TASOR2: variants seen among roughly 807,000 people sequenced by gnomAD.
TASOR2 encodes the protein transcription activation suppressor family member 2.
Under a neutral mutation model 199.5 loss-of-function variants are expected in TASOR2, and 84 were observed. That is an observed-to-expected ratio of 0.42 (90% CI 0.35 to 0.50). The LOEUF is 0.50. TASOR2 is among the 20% of genes least tolerant of loss of function. The pLI, the probability that TASOR2 is intolerant of heterozygous loss-of-function variation, is 0.02. For missense variants in TASOR2, 2,796 were observed against 2,835.9 expected, an observed-to-expected ratio of 0.99 and a Z score of 0.32; for synonymous variants, 1,103 against 1,046.6, an observed-to-expected ratio of 1.05 and a Z score of -1.04.
Position 5,748,960 on chromosome 10 carries a change from G to C in TASOR2, c.5539G>C (p.Asp1847His). The C allele has an allele frequency of 6.2e-7, 1 of 1,614,084 alleles. No individual in the cohort carries two copies. Among genetic ancestry groups the C allele is most frequent in the Non-Finnish European group, 8.5e-7 (1 of 1,180,022 alleles). ...TAGAAATCCCAGACTGGATTTGGAGGATTCTTATACTTTAAGAGGTAGTTA... is the reference window on the plus strand; with the variant it reads ...TAGAAATCCCAGACTGGATTTGGAGCATTCTTATACTTTAAGAGGTAGTTA... The change falls in exon 15 of 21, where the codon GAT (aspartate) becomes CAT (histidine). Residue 1847 changes from aspartate to histidine, a missense_variant. This residue lies in a region of TASOR2 where 1,941 missense variants were observed against 1,924.9 expected (regional missense o/e 1.01). Coordinates refer to ENST00000328090, the Ensembl canonical transcript of TASOR2. This position sits in a 1 kb window ranked among gnomAD's most constrained non-coding sequence, Gnocchi z 5.1.
chr10:5,727,999 A>G (rs1270112576), intron 10 of TASOR2, among the ~76,000 whole-genome samples: 1 of 152,034 alleles, frequency 6.6e-6, no homozygotes, highest in Non-Finnish European at 1.5e-5. Context: ...AGGCAGGTAG[A>G]TTTCTTGAGT....
intron 2 of TASOR2, among the ~76,000 whole-genome samples, chr10:5,715,729 G>A (rs369987485): frequency 1.5e-4 from 23 of 152,012 alleles, no homozygotes; most frequent in African/African-American, 5.1e-4. Context: ...TGCAACCTTC[G>A]ACTCCTTGGT....
chr10:5,725,592 T>C (rs1187726052), intron 8 of TASOR2, among the ~76,000 whole-genome samples: 5 of 144,064 alleles, frequency 3.5e-5, no homozygotes, highest in Admixed American at 2.1e-4. Context: ...CATAGCAAGA[T>C]CTTATCTCTA....
chr10:5,695,527 T>G lies in TASOR2; in HGVS notation c.-288+10352T>G, dbSNP rs564382575. The stretch of plus-strand genomic sequence containing the variant: ...CATAATTACACAAAATATAAAATAA[T>G]GGCAATAGTAGCTACCATTGTAGGA... On this transcript the variant is annotated intron_variant, in intron 1 of 20. Coordinates refer to ENST00000328090, the Ensembl canonical transcript of TASOR2. Among the ~76,000 whole-genome samples, 307 of 152,304 alleles carry G rather than the reference T, an allele frequency of 2.0e-3. 1 individual carries two copies. The highest frequency in any genetic ancestry group is 6.4e-3 in the African/African-American group (267 of 41,578).
Position 5,748,581 on chromosome 10 carries a change from A to T in TASOR2, c.5160A>T (p.Thr1720=). The change falls in exon 15 of 21, where the codon ACA becomes ACT. Residue 1720 remains threonine (T), a synonymous_variant. Coordinates refer to ENST00000328090, the Ensembl canonical transcript of TASOR2. This position sits in a 1 kb window ranked among gnomAD's most constrained non-coding sequence, Gnocchi z 5.1. ...CTGCTGGCCCTCAGTCCAACACCAC[A>T]TCTTCTCTAAAAGGTGAACGCAAAG... 6.2e-7 allele frequency: 1 copy of T among 1,613,702 alleles called. No homozygotes were observed. Among genetic ancestry groups the T allele is most frequent in the Non-Finnish European group, 8.5e-7 (1 of 1,180,024 alleles).
intron 17 of TASOR2, 28 bp from the exon 19 acceptor site, chr10:5,758,859 T>A (rs377018593): frequency 2.3e-5 from 35 of 1,541,944 alleles, no homozygotes; most frequent in East Asian, 1.6e-4. Flanking sequence ...ACTTGTCATC[T>A]TCTTTTGCTA....
At chr10:5,700,807 T>G (rs1040628424) in intron 1 of TASOR2, among the ~76,000 whole-genome samples, 87 of 151,944 alleles carry the variant, frequency 5.7e-4, no homozygotes, top group African/African-American at 2.1e-3. Flanking sequence ...TGTGTGTGTG[T>G]GTGTGTGTTT....
At chr10:5,697,064 C>T (rs1456801518) in intron 1 of TASOR2, among the ~76,000 whole-genome samples, 1 of 152,056 alleles carries the variant, frequency 6.6e-6, no homozygotes, top group East Asian at 1.9e-4. Flanking sequence ...TATCTGTGTC[C>T]CAGAACTGAA....
intron 10 of TASOR2, among the ~76,000 whole-genome samples, chr10:5,729,368 CA>C (rs1834490062): frequency 6.6e-6 from 1 of 151,384 alleles, no homozygotes; most frequent in South Asian, 2.1e-4. Context: ...AACAAAACAA[CA>C]AAAAGACCAG....
intron 1 of TASOR2, among the ~76,000 whole-genome samples, chr10:5,694,739 C>T (rs898303638): frequency 4.6e-5 from 7 of 152,140 alleles, no homozygotes; most frequent in African/African-American, 1.7e-4. Flanking sequence ...CAAAAATTTG[C>T]ATGTTACAAA....
chr10:5,711,028 T>A (rs1452233127), intron 1 of TASOR2, among the ~76,000 whole-genome samples: 1 of 152,206 alleles, frequency 6.6e-6, no homozygotes, highest in South Asian at 2.1e-4. Context: ...TCCCTATTTT[T>A]TAAAGCACTG....
intron 2 of TASOR2, among the ~76,000 whole-genome samples, chr10:5,715,933 G>A (rs1320540387): frequency 6.6e-6 from 1 of 152,090 alleles, no homozygotes; most frequent in East Asian, 1.9e-4. Flanking sequence ...GAGCTACCCT[G>A]CCTGGCCGCA....
At chr10:5,746,408 A>G in exon 15 of TASOR2, 1 of 1,614,212 alleles carries the variant, frequency 6.2e-7, no homozygotes, top group Non-Finnish European at 8.5e-7. Flanking sequence ...AGCTCTGTGT[A>G]CGGCACCCTT....
intron 1 of TASOR2, among the ~76,000 whole-genome samples, chr10:5,686,202 C>T (rs1835799996): frequency 6.6e-6 from 1 of 152,136 alleles, no homozygotes; most frequent in South Asian, 2.1e-4. Context: ...TAAGGAAGAC[C>T]AAGACGGTAT....
intron 1 of TASOR2, among the ~76,000 whole-genome samples, chr10:5,704,401 TC>T (rs1269027750): frequency 1.3e-5 from 2 of 152,102 alleles, no homozygotes; most frequent in African/African-American, 4.8e-5. Context: ...TCCCCTGTTT[TC>T]TCTATGATTT....
At chr10:5,694,569 A>C (rs188491733) in intron 1 of TASOR2, among the ~76,000 whole-genome samples, 1 of 152,338 alleles carries the variant, frequency 6.6e-6, no homozygotes, top group Admixed American at 6.5e-5. Flanking sequence ...AAGATATGGT[A>C]TATTACACAT....
In TASOR2 at chr10:5,706,457, C is replaced by A. The variant is rs569844165; in HGVS notation, c.-287-6366C>A. Among the ~76,000 whole-genome samples the A allele has an allele frequency of 1.3e-5, 2 of 152,202 alleles. No individual in the cohort carries two copies. Among genetic ancestry groups the A allele is most frequent in the African/African-American group, 4.8e-5 (2 of 41,516 alleles). On this transcript the variant is annotated intron_variant, in intron 1 of 20. Coordinates refer to ENST00000328090, the Ensembl canonical transcript of TASOR2. This position sits in a 1 kb window ranked among gnomAD's most constrained non-coding sequence, Gnocchi z 4.8. ...GCAGTAATATCAGAGGGCACAAGCCCAGATTGAAGCTGGAAGACATAGTGC... is the reference window on the plus strand; with the variant it reads ...GCAGTAATATCAGAGGGCACAAGCCAAGATTGAAGCTGGAAGACATAGTGC...
rs188496586 is a variant in TASOR2, at chr10:5,757,254, C to T, written c.6733-266C>T. Among the ~76,000 whole-genome samples, 11 of 152,250 alleles carry T rather than the reference C, an allele frequency of 7.2e-5. No individual in the cohort carries two copies. The East Asian group carries it at 2.1e-3, about 29-fold the overall frequency. On this transcript the variant is annotated intron_variant, in intron 16 of 20. Transcript: ENST00000328090. Reference sequence around the variant, plus strand: ...CAGTGCCCACAACCTCAGATGTGTCCTCTTCCCTCATGACGTGTTATTTCC... The same window carrying T: ...CAGTGCCCACAACCTCAGATGTGTCTTCTTCCCTCATGACGTGTTATTTCC...
At chr10:5,746,769 A>G (rs774170514) in exon 15 of TASOR2, 2 of 1,614,206 alleles carry the variant, frequency 1.2e-6, no homozygotes, top group South Asian at 1.1e-5. Flanking sequence ...TAGTAGTTGC[A>G]GGACAGAAGG....
Sources: gnomAD v4.1 joint callset for allele counts (sites outside exome capture counted in the v4.1 genomes callset) on GRCh38, gnomAD v4.1.1 for gene constraint, gnomAD v4.1.1 regional missense constraint, Gnocchi (gnomAD v3.1) non-coding constraint, MANE v1.5 for transcripts, NCBI Gene and HGNC (gene_info 2026-07-23, HGNC 2026-07-21) for gene names.